Variants in SKAP2 observed in about 807,000 individuals in gnomAD.
SKAP2 encodes the protein src kinase associated phosphoprotein 2.
In SKAP2, 28 loss-of-function variants were observed where a neutral mutation model predicts 54.9. The observed-to-expected ratio is 0.51, with a 90% CI of 0.38 to 0.70. SKAP2 has a LOEUF of 0.70. Among genes scored for constraint, SKAP2 ranks in the 30% least tolerant of loss-of-function variants. The pLI, the probability that SKAP2 is intolerant of heterozygous loss-of-function variation, is 0.00. For synonymous variants in SKAP2, 137 were observed against 134.3 expected (o/e 1.02, Z -0.14); for missense variants, 356 against 424.1 (o/e 0.84, Z 1.41).
intron 4 of SKAP2, among the ~76,000 whole-genome samples, chr7:26,819,969 G>A (rs1268268540): frequency 2.6e-5 from 4 of 152,264 alleles, no homozygotes; most frequent in African/African-American, 4.8e-5. Flanking sequence ...TTCTATGTCT[G>A]TATGTTTGAA....
At position 26,766,707 on chromosome 7, in the gene SKAP2, C is replaced by T. The variant is rs187166236; in HGVS notation, c.308-26743G>A. Among the ~76,000 whole-genome samples the T allele has an allele frequency of 9.2e-5, 14 of 152,236 alleles. No homozygotes were observed. The East Asian group carries it at 2.7e-3, about 29-fold the overall frequency. Reference sequence around the variant, plus strand: ...GGGCTGTTTTTATTGAAGGCCTTTTCTGCATCTATTGAGATAATCATGTGG... The same window carrying T: ...GGGCTGTTTTTATTGAAGGCCTTTTTTGCATCTATTGAGATAATCATGTGG... On this transcript the variant is annotated intron_variant, in intron 4 of 12. Coordinates refer to ENST00000345317, the MANE Select transcript of SKAP2 (RefSeq NM_003930.5).
chr7:26,842,917 A>G (rs926921017), intron 4 of SKAP2, among the ~76,000 whole-genome samples: 2 of 151,990 alleles, frequency 1.3e-5, no homozygotes, highest in Non-Finnish European at 2.9e-5. Flanking sequence ...TAGAAATTAA[A>G]TGTTTGCCGA....
intron 4 of SKAP2, among the ~76,000 whole-genome samples, chr7:26,818,755 G>A (rs1784324008): frequency 1.3e-5 from 2 of 152,042 alleles, no homozygotes; most frequent in Non-Finnish European, 2.9e-5. Context: ...TCAAAAAGGG[G>A]GTAAAGGATA....
intron 4 of SKAP2, among the ~76,000 whole-genome samples, chr7:26,809,894 T>C (rs1178212053): frequency 6.6e-6 from 1 of 152,154 alleles, no homozygotes; most frequent in Non-Finnish European, 1.5e-5. Flanking sequence ...AAATGTAGTA[T>C]ATGTATAAAA....
In SKAP2 at chr7:26,787,923, T is replaced by G. The variant is rs551164114; in HGVS notation, c.308-47959A>C. Reference sequence around the variant, plus strand: ...CAGACTGGAGTGCAGTGGCTCAATCTTGGCTCACTGCCACCTCCACCTCCC... The same window carrying G: ...CAGACTGGAGTGCAGTGGCTCAATCGTGGCTCACTGCCACCTCCACCTCCC... On this transcript the variant is annotated intron_variant, in intron 4 of 12. Coordinates refer to ENST00000345317, the MANE Select transcript of SKAP2 (RefSeq NM_003930.5). Among the ~76,000 whole-genome samples the G allele has an allele frequency of 7.5e-4, 114 of 152,182 alleles. 2 individuals carry two copies. Among genetic ancestry groups the G allele is most frequent in the Non-Finnish European group, 7.6e-4 (52 of 68,030 alleles).
Position 26,804,477 on chromosome 7 carries a change from AGG to A in SKAP2, c.307+39551_307+39552del, listed in dbSNP as rs1783982224. 2.0e-5 allele frequency among the ~76,000 whole-genome samples: 3 copies of A among 152,324 alleles called. No individual in the cohort carries two copies. The East Asian group carries it at 5.8e-4, about 29-fold the overall frequency. On this transcript the variant is annotated intron_variant, in intron 4 of 12. Coordinates refer to ENST00000345317, the MANE Select transcript of SKAP2 (RefSeq NM_003930.5). The stretch of plus-strand genomic sequence containing the variant: ...TGTGCCGGGCCGGGCCTGGTGGTTC[AGG>A]CCCGTAATCCCAGCACTTTGGGAGG...
At chr7:26,670,889 T>A (rs1235238901) in intron 11 of SKAP2, among the ~76,000 whole-genome samples, 3 of 152,098 alleles carry the variant, frequency 2.0e-5, no homozygotes, top group African/African-American at 7.2e-5. Context: ...AAGGTGCTGT[T>A]AGAGTCACCC....
intron 9 of SKAP2, among the ~76,000 whole-genome samples, chr7:26,715,196 T>C (rs1416241553): frequency 6.6e-6 from 1 of 152,176 alleles, no homozygotes; most frequent in East Asian, 1.9e-4. Flanking sequence ...GCTTATCTTC[T>C]GGTTCAGAAT....
intron 4 of SKAP2, among the ~76,000 whole-genome samples, chr7:26,833,656 C>T (rs575776606): frequency 6.6e-6 from 1 of 152,084 alleles, no homozygotes; most frequent in Non-Finnish European, 1.5e-5. Context: ...GACATCAATG[C>T]AACAAGAAGA....
intron 4 of SKAP2, among the ~76,000 whole-genome samples, chr7:26,759,548 T>C (rs1782878308): frequency 6.6e-6 from 1 of 152,034 alleles, no homozygotes. Flanking sequence ...GACCTGACAA[T>C]TGACACAGGA....
At chr7:26,721,942 C>T (rs1466747313) in intron 9 of SKAP2, among the ~76,000 whole-genome samples, 2 of 152,170 alleles carry the variant, frequency 1.3e-5, no homozygotes, top group Non-Finnish European at 2.9e-5. Flanking sequence ...AATAAATTTA[C>T]AAACCTGTGC....
At chr7:26,765,727 TC>T (rs1257758059) in intron 4 of SKAP2, among the ~76,000 whole-genome samples, 1 of 152,218 alleles carries the variant, frequency 6.6e-6, no homozygotes, top group Admixed American at 6.5e-5. Flanking sequence ...AAATAGGGAA[TC>T]CTTTCCCCAT....
At chr7:26,851,688 A>G (rs952274882) in intron 3 of SKAP2, among the ~76,000 whole-genome samples, 2 of 151,602 alleles carry the variant, frequency 1.3e-5, no homozygotes, top group African/African-American at 4.9e-5. Flanking sequence ...CATGTTGTGC[A>G]CATGTACCCT....
At chr7:26,828,079 A>G (rs969092842) in intron 4 of SKAP2, among the ~76,000 whole-genome samples, 3 of 152,246 alleles carry the variant, frequency 2.0e-5, no homozygotes, top group Non-Finnish European at 2.9e-5. Flanking sequence ...TAAGACCATG[A>G]TCACAGCACC....
chr7:26,744,393 CA>C (rs1319631573), intron 4 of SKAP2, among the ~76,000 whole-genome samples: 4 of 151,922 alleles, frequency 2.6e-5, no homozygotes, highest in African/African-American at 9.7e-5. Flanking sequence ...ACAGGGTAGA[CA>C]ATTGCATTAC....
chr7:26,731,982 T>C (rs757678112), intron 6 of SKAP2, among the ~76,000 whole-genome samples: 8 of 152,184 alleles, frequency 5.3e-5, no homozygotes, highest in Non-Finnish European at 1.2e-4. Flanking sequence ...AGCATAAATA[T>C]TGCAACCAAA....
intron 2 of SKAP2, 30 bp from the exon 3 acceptor site, chr7:26,854,192 A>C: frequency 1.3e-6 from 2 of 1,484,510 alleles, no homozygotes; most frequent in Non-Finnish European, 1.8e-6. Flanking sequence ...TTTTTAAATG[A>C]GGTTGAAAAA....
At chr7:26,714,427 T>G (rs1214865540) in intron 9 of SKAP2, among the ~76,000 whole-genome samples, 1 of 152,246 alleles carries the variant, frequency 6.6e-6, no homozygotes, top group African/African-American at 2.4e-5. Flanking sequence ...GGAAAACATC[T>G]ATAAACGAAT....
chr7:26,830,428 T>TA (rs914687871), intron 4 of SKAP2, among the ~76,000 whole-genome samples: 26 of 151,200 alleles, frequency 1.7e-4, no homozygotes, highest in South Asian at 1.3e-3. Context: ...ATAAAGTGAG[T>TA]AAAAAAAAAT....
Sources: gnomAD v4.1 joint callset for allele counts (sites outside exome capture counted in the v4.1 genomes callset) on GRCh38, gnomAD v4.1.1 for gene constraint, MANE v1.5 for transcripts, NCBI Gene and HGNC (gene_info 2026-07-23, HGNC 2026-07-21) for gene names.